GRIA4: variants seen among roughly 807,000 people sequenced by gnomAD.
GRIA4 encodes glutamate ionotropic receptor AMPA type subunit 4.
Under a neutral mutation model 104.0 loss-of-function variants are expected in GRIA4, and 34 were observed. The observed-to-expected ratio is 0.33, with a 90% CI of 0.25 to 0.44. The LOEUF (loss-of-function observed/expected upper bound fraction) is 0.44. Ranked by LOEUF, GRIA4 falls within the 20% of genes least tolerant of loss-of-function variation. GRIA4 has a pLI of 1.00. For synonymous variants in GRIA4, 386 were observed against 381.9 expected (o/e 1.01, Z -0.13); for missense variants, 750 against 1,096.5 (o/e 0.68, Z 4.46).
intron 3 of GRIA4, among the ~76,000 whole-genome samples, chr11:105,676,500 T>C (rs556478536): frequency 9.5e-6 from 1 of 105,198 alleles, no homozygotes; most frequent in Admixed American, 1.2e-4. Context: ...ACATATTTGA[T>C]ATCTTATATG....
chr11:105,687,940 A>G (rs1655988959), intron 3 of GRIA4, among the ~76,000 whole-genome samples: 1 of 152,128 alleles, frequency 6.6e-6, no homozygotes, highest in Non-Finnish European at 1.5e-5. Flanking sequence ...TTCCATCAAC[A>G]CCAATAGATG....
chr11:105,937,609 G>A (rs1948079280), intron 14 of GRIA4, among the ~76,000 whole-genome samples: 1 of 152,070 alleles, frequency 6.6e-6, no homozygotes, highest in Non-Finnish European at 1.5e-5. Context: ...CGCTTAGAAT[G>A]ATTTGTATAC....
At chr11:105,681,102 C>T (rs983880255) in intron 3 of GRIA4, among the ~76,000 whole-genome samples, 1 of 152,140 alleles carries the variant, frequency 6.6e-6, no homozygotes, top group African/African-American at 2.4e-5. Context: ...ACCTGAATTA[C>T]TTAAAATCAT....
At chr11:105,612,476 A>T in intron 3 of GRIA4, 42 bp downstream of exon 3, 1 of 1,546,050 alleles carries the variant, frequency 6.5e-7, no homozygotes, top group Admixed American at 1.7e-5. Flanking sequence ...AGAGAACTGA[A>T]ACCAAGCAAT....
intron 3 of GRIA4, among the ~76,000 whole-genome samples, chr11:105,687,330 C>G (rs1442285762): frequency 2.0e-5 from 3 of 152,076 alleles, no homozygotes; most frequent in Non-Finnish European, 1.5e-5. Flanking sequence ...AGGAGGATAA[C>G]AAGTGTACGT....
At chr11:105,917,618 C>T (rs1021920561) in intron 10 of GRIA4, among the ~76,000 whole-genome samples, 1 of 152,042 alleles carries the variant, frequency 6.6e-6, no homozygotes, top group African/African-American at 2.4e-5. Context: ...TACATTATCT[C>T]AATAATGTTG....
chr11:105,727,143 A>G (rs1938264149), intron 3 of GRIA4, among the ~76,000 whole-genome samples: 1 of 152,034 alleles, frequency 6.6e-6, no homozygotes, highest in Non-Finnish European at 1.5e-5. Flanking sequence ...CTTGGAAAAA[A>G]GGTTAGAGGA....
intron 14 of GRIA4, among the ~76,000 whole-genome samples, chr11:105,958,562 G>A (rs1327048342): frequency 1.3e-5 from 2 of 152,108 alleles, no homozygotes; most frequent in African/African-American, 4.8e-5. Flanking sequence ...AGGGATATTG[G>A]TCTAAAATTC....
chr11:105,736,041 A>G (rs571105752), intron 3 of GRIA4, among the ~76,000 whole-genome samples: 1 of 152,216 alleles, frequency 6.6e-6, no homozygotes, highest in Non-Finnish European at 1.5e-5. Flanking sequence ...TAAAATAAAT[A>G]AATGTTTTAA....
chr11:105,623,014 A>G (rs2135279066), intron 3 of GRIA4, among the ~76,000 whole-genome samples: 1 of 149,188 alleles, frequency 6.7e-6, no homozygotes, highest in East Asian at 2.0e-4. Context: ...TGAAAACAAC[A>G]CAATTTCATT....
intron 4 of GRIA4, among the ~76,000 whole-genome samples, chr11:105,784,244 A>T (rs894183622): frequency 3.9e-5 from 6 of 152,178 alleles, no homozygotes; most frequent in African/African-American, 1.2e-4. Context: ...AATGTGCAGA[A>T]ATATGTATTC....
At chr11:105,866,545 G>GTATATA (rs775973048) in intron 5 of GRIA4, among the ~76,000 whole-genome samples, 2 of 71,248 alleles carry the variant, frequency 2.8e-5, no homozygotes, top group African/African-American at 1.2e-4. Flanking sequence ...ATGTGTGTGT[G>GTATATA]TGTGTGTATA....
chr11:105,944,805 T>C, intron 14 of GRIA4, among the ~76,000 whole-genome samples: 1 of 152,086 alleles, frequency 6.6e-6, no homozygotes, highest in African/African-American at 2.4e-5. Flanking sequence ...GTTGCCTTGT[T>C]TCTCTCCAAA....
intron 3 of GRIA4, among the ~76,000 whole-genome samples, chr11:105,672,276 A>G (rs2135441210): frequency 1.3e-5 from 2 of 152,232 alleles, no homozygotes; most frequent in South Asian, 4.1e-4. Flanking sequence ...TTGATTGCCC[A>G]CTGTACACAT....
chr11:105,821,540 G>C (rs923353542), intron 4 of GRIA4, among the ~76,000 whole-genome samples: 1 of 151,868 alleles, frequency 6.6e-6, no homozygotes, highest in African/African-American at 2.4e-5. Flanking sequence ...AGGAGCAAGA[G>C]AGAGAGGGCG....
At chr11:105,816,606 A>T (rs1373742249) in intron 4 of GRIA4, among the ~76,000 whole-genome samples, 8 of 152,188 alleles carry the variant, frequency 5.3e-5, no homozygotes, top group Non-Finnish European at 1.2e-4. Context: ...TAAATTACCC[A>T]GTCTCAGATA....
At chr11:105,648,670 A>G (rs1951601696) in intron 3 of GRIA4, among the ~76,000 whole-genome samples, 1 of 152,094 alleles carries the variant, frequency 6.6e-6, no homozygotes, top group African/African-American at 2.4e-5. Context: ...AAATCGAGAG[A>G]GGCTAAAAGG....
At chr11:105,861,669 G>A (rs1488780150) in intron 4 of GRIA4, among the ~76,000 whole-genome samples, 1 of 152,116 alleles carries the variant, frequency 6.6e-6, no homozygotes, top group East Asian at 1.9e-4. Flanking sequence ...CATCTAGTGA[G>A]TAAAATAACA....
At chr11:105,610,730 A>G in intron 1 of GRIA4, 178 bp from the exon 2 acceptor site, 1 of 409,786 alleles carries the variant, frequency 2.4e-6, no homozygotes, top group Non-Finnish European at 4.4e-6. Context: ...CAACATTTGC[A>G]GCCGGACAGA....
Sources: allele counts gnomAD v4.1 joint callset (sites outside exome capture counted in the v4.1 genomes callset), GRCh38; gene constraint gnomAD v4.1.1; transcripts MANE v1.5; gene names NCBI Gene and HGNC (gene_info 2026-07-23, HGNC 2026-07-21).